Variants in NRP1 observed in about 807,000 individuals in gnomAD.
NRP1 encodes neuropilin 1, also known as neuropilin-1.
NRP1 carries 35 observed loss-of-function variants against 106.7 expected under a neutral mutation model. That is an observed-to-expected ratio of 0.33 (90% confidence interval 0.25 to 0.43). NRP1 has a LOEUF of 0.43. Ranked by LOEUF, NRP1 falls within the 20% of genes least tolerant of loss-of-function variation. The pLI, the probability that NRP1 is intolerant of heterozygous loss-of-function variation, is 1.00. For synonymous variants in NRP1, 437 were observed against 417.9 expected (o/e 1.05, Z -0.56); for missense variants, 1,024 against 1,170.4 (o/e 0.87, Z 1.83).
At chr10:33,302,187 A>C (rs1382159254) in intron 2 of NRP1, among the ~76,000 whole-genome samples, 1 of 152,228 alleles carries the variant, frequency 6.6e-6, no homozygotes, top group Admixed American at 6.5e-5. Context: ...ACAAACACAC[A>C]TACAAACTAG....
chr10:33,267,694 G>A (rs1332429415), intron 3 of NRP1, among the ~76,000 whole-genome samples: 1 of 152,102 alleles, frequency 6.6e-6, no homozygotes, highest in Non-Finnish European at 1.5e-5. Context: ...AGATCAGTGG[G>A]GAGGCTTGAG....
At chr10:33,254,317 G>A in intron 5 of NRP1, 123 bp from the exon 6 acceptor site, 1 of 776,972 alleles carries the variant, frequency 1.3e-6, no homozygotes, top group Non-Finnish European at 2.0e-6. Flanking sequence ...ATGGTAGTAA[G>A]GGACTTATTG....
At chr10:33,310,631 C>T (rs1341910950) in intron 2 of NRP1, among the ~76,000 whole-genome samples, 1 of 152,186 alleles carries the variant, frequency 6.6e-6, no homozygotes, top group East Asian at 1.9e-4. Context: ...CATTAACATC[C>T]TGGCCTCCAT....
At chr10:33,232,281 A>T (rs1840200278) in intron 6 of NRP1, among the ~76,000 whole-genome samples, 1 of 152,198 alleles carries the variant, frequency 6.6e-6, no homozygotes, top group Non-Finnish European at 1.5e-5. Context: ...AATAACCATA[A>T]TTAAGTAACC....
At chr10:33,333,243 T>G (rs79819536) in intron 1 of NRP1, among the ~76,000 whole-genome samples, 1 of 145,694 alleles carries the variant, frequency 6.9e-6, no homozygotes, top group East Asian at 2.0e-4. Flanking sequence ...TTTTTTTTTT[T>G]GCATGTGTTT....
At chr10:33,268,816 C>T (rs1843099526) in intron 3 of NRP1, among the ~76,000 whole-genome samples, 1 of 152,124 alleles carries the variant, frequency 6.6e-6, no homozygotes, top group Non-Finnish European at 1.5e-5. Context: ...GTACATCCAT[C>T]CTCTGTTTAT....
intron 2 of NRP1, among the ~76,000 whole-genome samples, chr10:33,296,755 G>T (rs139440250): frequency 2.6e-5 from 4 of 152,166 alleles, no homozygotes; most frequent in African/African-American, 9.7e-5. Context: ...TAGGCTGGGC[G>T]TGGTTGCTCA....
At chr10:33,241,167 G>A (rs1840982846) in intron 6 of NRP1, among the ~76,000 whole-genome samples, 1 of 152,182 alleles carries the variant, frequency 6.6e-6, no homozygotes, top group African/African-American at 2.4e-5. Context: ...CGCCATGTGT[G>A]GAGGTAGAAA....
chr10:33,311,834 A>G (rs775226706), intron 2 of NRP1, among the ~76,000 whole-genome samples: 18 of 152,322 alleles, frequency 1.2e-4, no homozygotes, highest in Non-Finnish European at 2.4e-4. Flanking sequence ...TATTCCACAT[A>G]TAAACCAAAC....
intron 13 of NRP1, among the ~76,000 whole-genome samples, chr10:33,190,673 CT>C (rs989150192): frequency 1.3e-5 from 2 of 152,104 alleles, no homozygotes; most frequent in South Asian, 4.1e-4. Flanking sequence ...AAATGCCCCC[CT>C]GGGGTACCTT....
At chr10:33,318,987 ACTTTT>A (rs1240412164) in intron 2 of NRP1, among the ~76,000 whole-genome samples, 2 of 144,908 alleles carry the variant, frequency 1.4e-5, no homozygotes, top group African/African-American at 5.0e-5. Flanking sequence ...GACTTAGAGA[ACTTTT>A]CTTTTCTTTC....
At chr10:33,221,629 C>G in intron 8 of NRP1, 90 bp downstream of exon 8, 1 of 1,344,018 alleles carries the variant, frequency 7.4e-7, no homozygotes, top group Non-Finnish European at 1.0e-6. Flanking sequence ...CATTTACAAA[C>G]TTATTTACCC....
At chr10:33,299,936 T>C (rs1845684841) in intron 2 of NRP1, among the ~76,000 whole-genome samples, 1 of 152,238 alleles carries the variant, frequency 6.6e-6, no homozygotes, top group African/African-American at 2.4e-5. Context: ...GACTGCTCTC[T>C]ACTTCTCTAA....
chr10:33,282,937 G>A (rs1271191593), intron 2 of NRP1, among the ~76,000 whole-genome samples: 1 of 151,986 alleles, frequency 6.6e-6, no homozygotes, highest in Non-Finnish European at 1.5e-5. Flanking sequence ...GTAGAGACAG[G>A]GTTTCACTAT....
intron 3 of NRP1, 60 bp downstream of exon 3, chr10:33,270,615 C>CCA: frequency 6.9e-7 from 1 of 1,450,110 alleles, no homozygotes; most frequent in Non-Finnish European, 9.3e-7. Context: ...GGGTGAGCCA[C>CCA]CACACTCGGC....
intron 15 of NRP1, among the ~76,000 whole-genome samples, chr10:33,184,282 C>T (rs1053391232): frequency 4.6e-5 from 7 of 152,210 alleles, no homozygotes; most frequent in African/African-American, 1.7e-4. Context: ...TCCCAAAGTG[C>T]TGGGATGACA....
intron 6 of NRP1, among the ~76,000 whole-genome samples, chr10:33,250,713 G>A (rs186623593): frequency 2.6e-5 from 4 of 152,252 alleles, no homozygotes; most frequent in East Asian, 3.9e-4. Context: ...CAGCAATCTC[G>A]TTTTTAAAAT....
At chr10:33,181,524 A>G (rs1835684696) in intron 16 of NRP1, among the ~76,000 whole-genome samples, 1 of 152,248 alleles carries the variant, frequency 6.6e-6, no homozygotes, top group South Asian at 2.1e-4. Context: ...CCATCCACAC[A>G]GCAGCTGTGA....
intron 4 of NRP1, among the ~76,000 whole-genome samples, chr10:33,261,223 C>T (rs1024979288): frequency 2.0e-5 from 3 of 152,190 alleles, no homozygotes; most frequent in Admixed American, 6.5e-5. Flanking sequence ...CTCGATTCAA[C>T]TCAGTGATTT....
Sources: gnomAD v4.1 joint callset for allele counts (sites outside exome capture counted in the v4.1 genomes callset) on GRCh38, gnomAD v4.1.1 for gene constraint, MANE v1.5 for transcripts, NCBI Gene and HGNC (gene_info 2026-07-23, HGNC 2026-07-21) for gene names.